GIPC2: variants seen among roughly 807,000 people sequenced by gnomAD.
The protein encoded by GIPC2 is PDZ domain-containing protein GIPC2.
In GIPC2, 30 loss-of-function variants were observed where a neutral mutation model predicts 30.6. The ratio of observed to expected loss-of-function variants is 0.98; its 90% CI spans 0.73 to 1.33. The LOEUF (loss-of-function observed/expected upper bound fraction) is 1.33. Among genes scored for constraint, GIPC2 ranks in the 40% most tolerant of loss-of-function variants. The probability of loss-of-function intolerance (pLI) is 0.00; values close to 1 mark genes in which losing one functional copy is unlikely to be tolerated. For synonymous variants in GIPC2, 167 were observed against 150.0 expected (o/e 1.11, Z -0.83); for missense variants, 414 against 390.3 (o/e 1.06, Z -0.51).
At position 78,046,330 on chromosome 1, in the gene GIPC2, C is replaced by T; in HGVS notation, c.236C>T (p.Ser79Leu). Reference sequence around the variant, plus strand: ...GCGGGCGCGTTTGAAATCTCGCCGTCGGAGGTAAGGCGCCAGGTGCTCAGG... The same window carrying T: ...GCGGGCGCGTTTGAAATCTCGCCGTTGGAGGTAAGGCGCCAGGTGCTCAGG... ...QIAGAFEISP[S>L]EILYCTLNTP... The change falls in exon 1 of 6, where the codon TCG becomes TTG. Residue 79 changes from serine (S) to leucine (L), a missense_variant. By Grantham distance (145) the Ser-to-Leu change is moderately radical. Transcript: ENST00000370759. The T allele has an allele frequency of 1.9e-6, 3 of 1,609,698 alleles. No homozygotes were observed. The highest frequency in any genetic ancestry group is 2.5e-6 in the Non-Finnish European group (3 of 1,178,820).
intron 1 of GIPC2, among the ~76,000 whole-genome samples, chr1:78,065,803 C>G (rs1051660344): frequency 1.3e-5 from 2 of 152,060 alleles, no homozygotes; most frequent in African/African-American, 4.8e-5. Context: ...GAAAGGATTC[C>G]CTATTCAATA....
chr1:78,075,680 T>C (rs924070879), intron 1 of GIPC2, among the ~76,000 whole-genome samples: 1 of 152,210 alleles, frequency 6.6e-6, no homozygotes, highest in African/African-American at 2.4e-5. Context: ...TTATTAGGCG[T>C]GAAAAAATAT....
At chr1:78,048,110 G>A (rs184748805) in intron 1 of GIPC2, among the ~76,000 whole-genome samples, 1 of 152,208 alleles carries the variant, frequency 6.6e-6, no homozygotes, top group African/African-American at 2.4e-5. Flanking sequence ...GTTTATTGGG[G>A]TATTAAATGC....
intron 3 of GIPC2, among the ~76,000 whole-genome samples, chr1:78,097,523 T>C (rs571288622): frequency 6.6e-6 from 1 of 152,356 alleles, no homozygotes; most frequent in African/African-American, 2.4e-5. Context: ...CATAGTTGGC[T>C]GCTTTGCAAT....
At chr1:78,056,096 T>C (rs1185919078) in intron 1 of GIPC2, among the ~76,000 whole-genome samples, 2 of 152,172 alleles carry the variant, frequency 1.3e-5, no homozygotes, top group African/African-American at 4.8e-5. Context: ...ATAACTCTTA[T>C]CAGACTTTAT....
At chr1:78,122,531 G>C (rs930091403) in intron 4 of GIPC2, among the ~76,000 whole-genome samples, 2 of 152,180 alleles carry the variant, frequency 1.3e-5, no homozygotes, top group East Asian at 3.9e-4. Context: ...GTCTTACATG[G>C]TGGCAGGAGA....
At chr1:78,105,186 C>T (rs1020233617) in intron 3 of GIPC2, among the ~76,000 whole-genome samples, 1 of 151,848 alleles carries the variant, frequency 6.6e-6, no homozygotes, top group Non-Finnish European at 1.5e-5. Context: ...AGTTTTTAAT[C>T]TGAGAAAAAT....
At chr1:78,057,769 C>T (rs770926071) in intron 1 of GIPC2, among the ~76,000 whole-genome samples, 4 of 152,212 alleles carry the variant, frequency 2.6e-5, no homozygotes, top group Non-Finnish European at 5.9e-5. Context: ...GTGCCAGTCA[C>T]TGCCCCAAAT....
At chr1:78,079,456 G>T (rs1390724528) in intron 1 of GIPC2, among the ~76,000 whole-genome samples, 1 of 152,166 alleles carries the variant, frequency 6.6e-6, no homozygotes, top group African/African-American at 2.4e-5. Flanking sequence ...TGGGATGCAG[G>T]TTATGGATGT....
chr1:78,048,318 A>G (rs1481023059), intron 1 of GIPC2, among the ~76,000 whole-genome samples: 1 of 152,220 alleles, frequency 6.6e-6, no homozygotes, highest in Non-Finnish European at 1.5e-5. Flanking sequence ...CCCACTTCAC[A>G]GAGAGGAAAC....
At chr1:78,061,407 A>G (rs1452786843) in intron 1 of GIPC2, among the ~76,000 whole-genome samples, 1 of 152,026 alleles carries the variant, frequency 6.6e-6, no homozygotes, top group East Asian at 1.9e-4. Context: ...GGGTGTGTGG[A>G]GTATTCTGAG....
intron 1 of GIPC2, among the ~76,000 whole-genome samples, chr1:78,050,232 C>A (rs1257563595): frequency 1.3e-5 from 2 of 152,166 alleles, no homozygotes; most frequent in Non-Finnish European, 2.9e-5. Context: ...CTGTGAGATT[C>A]TTGGTAGCTG....
At chr1:78,055,570 C>A (rs1317719395) in intron 1 of GIPC2, among the ~76,000 whole-genome samples, 1 of 152,134 alleles carries the variant, frequency 6.6e-6, no homozygotes, top group Non-Finnish European at 1.5e-5. Context: ...TTGACTGATT[C>A]TTTCTTCTCA....
chr1:78,080,650 C>G lies in GIPC2; in HGVS notation c.241-25C>G, dbSNP rs1401985795. ...CAGATGTATTCCAAGTGGAAATGGA[C>G]CTGACATTTTATTTTTCTTTGCAGA... On this transcript the variant is annotated intron_variant, in intron 1 of 5. Transcript: ENST00000370759. 6.5e-6 allele frequency: 9 copies of G among 1,392,388 alleles called. 1 individual carries two copies. The highest frequency in any genetic ancestry group is 9.0e-6 in the Non-Finnish European group (9 of 1,000,536). 86.3% of individuals were successfully genotyped at this position (1,392,388 alleles called of 1,614,324 possible).
intron 2 of GIPC2, among the ~76,000 whole-genome samples, chr1:78,088,548 G>A (rs539709775): frequency 6.6e-6 from 1 of 152,274 alleles, no homozygotes; most frequent in East Asian, 1.9e-4. Context: ...GGAGCTAAAT[G>A]ATGAGAACTT....
intron 3 of GIPC2, among the ~76,000 whole-genome samples, chr1:78,112,068 T>C (rs2100413336): frequency 6.6e-6 from 1 of 152,304 alleles, no homozygotes; most frequent in East Asian, 1.9e-4. Flanking sequence ...CTAAAGTCCT[T>C]GTAAGATGTT....
intron 3 of GIPC2, among the ~76,000 whole-genome samples, chr1:78,114,497 C>T (rs1357381114): frequency 2.6e-5 from 4 of 152,170 alleles, no homozygotes; most frequent in East Asian, 1.9e-4. Flanking sequence ...ATCATAGGCT[C>T]ATAGACAAAC....
rs534206970 is a variant in GIPC2, at chr1:78,047,678, C to T, written c.240+1344C>T. On this transcript the variant is annotated intron_variant, in intron 1 of 5. Coordinates refer to ENST00000370759, the MANE Select transcript of GIPC2 (RefSeq NM_017655.6). The stretch of plus-strand genomic sequence containing the variant: ...AATGAGTTTAACTTCTCTCAGTTTT[C>T]GCCATCTGTAAAATAGAGATTAGAA... Among the ~76,000 whole-genome samples the T allele has an allele frequency of 5.9e-5, 9 of 152,200 alleles. 1 individual carries two copies. The highest frequency in any genetic ancestry group is 1.2e-4 in the African/African-American group (5 of 41,516).
intron 5 of GIPC2, 115 bp from the exon 6 acceptor site, chr1:78,135,477 A>T: frequency 1.6e-6 from 1 of 628,340 alleles, no homozygotes; most frequent in Non-Finnish European, 2.8e-6. Flanking sequence ...TTTGCATTTA[A>T]TTTGAAATAT....
Sources: allele counts gnomAD v4.1 joint callset (sites outside exome capture counted in the v4.1 genomes callset), GRCh38; gene constraint gnomAD v4.1.1; transcripts MANE v1.5; gene names NCBI Gene and HGNC (gene_info 2026-07-23, HGNC 2026-07-21).